The following CSMD1 variants were observed in gnomAD, a reference collection of about 807,000 sequenced individuals.
The protein encoded by CSMD1 is CUB and Sushi multiple domains 1, also known as CUB and sushi domain-containing protein 1.
CSMD1 carries 213 observed loss-of-function variants against 417.5 expected under a neutral mutation model. The observed-to-expected ratio is 0.51, with a 90% CI of 0.46 to 0.57. CSMD1 has a LOEUF of 0.57. Ranked by LOEUF, CSMD1 falls within the 20% of genes least tolerant of loss-of-function variation. CSMD1 has a pLI of 0.00. For synonymous variants in CSMD1, 2,862 were observed against 1,736.8 expected (o/e 1.65, Z -16.11); for missense variants, 6,923 against 4,529.7 (o/e 1.53, Z -15.17).
intron 3 of CSMD1, among the ~76,000 whole-genome samples, chr8:4,337,830 T>C (rs1328009274): frequency 6.6e-6 from 1 of 152,172 alleles, no homozygotes; most frequent in Non-Finnish European, 1.5e-5. Context: ...CAGGTAATTA[T>C]AAAACTTCTT....
chr8:4,727,263 G>C (rs560824351), intron 1 of CSMD1, among the ~76,000 whole-genome samples: 96 of 152,260 alleles, frequency 6.3e-4, no homozygotes, highest in African/African-American at 2.2e-3. Context: ...CATTAAACCA[G>C]TTAATGTCTA....
At chr8:3,282,057 C>A (rs10105711) in intron 26 of CSMD1, among the ~76,000 whole-genome samples, 109,703 of 152,030 alleles carry the variant, frequency 0.72, 40,457 homozygotes, top group Admixed American at 0.82. Context: ...CCCAGCCATG[C>A]CTTCTGTACA....
At chr8:3,906,351 C>T (rs1350446507) in intron 5 of CSMD1, among the ~76,000 whole-genome samples, 1 of 151,998 alleles carries the variant, frequency 6.6e-6, no homozygotes, top group Non-Finnish European at 1.5e-5. Context: ...CCCAAGTATA[C>T]CTGAGTCACC....
intron 52 of CSMD1, among the ~76,000 whole-genome samples, chr8:3,014,740 C>G (rs79004311): frequency 0.049 from 7,402 of 152,202 alleles, 185 homozygotes; most frequent in East Asian, 0.07. Context: ...TAGGAAGACC[C>G]TGTACCTACA....
intron 3 of CSMD1, among the ~76,000 whole-genome samples, chr8:4,037,952 A>C (rs971577355): frequency 4.6e-5 from 7 of 152,336 alleles, no homozygotes; most frequent in African/African-American, 1.4e-4. Context: ...CAGTTGGACA[A>C]AATGTTATTT....
At chr8:3,536,896 T>G (rs551341356) in intron 10 of CSMD1, among the ~76,000 whole-genome samples, 1 of 152,304 alleles carries the variant, frequency 6.6e-6, no homozygotes, top group East Asian at 1.9e-4. Flanking sequence ...TAAATCTAGT[T>G]TAGAAGGATT....
chr8:3,590,672 A>G (rs1800806930), intron 8 of CSMD1, among the ~76,000 whole-genome samples: 1 of 152,208 alleles, frequency 6.6e-6, no homozygotes, highest in South Asian at 2.1e-4. Flanking sequence ...TCAAAGCATT[A>G]AAAATATTAA....
chr8:3,344,265 A>G (rs1415715709), intron 22 of CSMD1, among the ~76,000 whole-genome samples: 1 of 152,174 alleles, frequency 6.6e-6, no homozygotes, highest in Admixed American at 6.5e-5. Flanking sequence ...TTTAGGACCC[A>G]TGCACTTTCT....
At chr8:4,631,002 AG>A (rs1346499988) in intron 2 of CSMD1, among the ~76,000 whole-genome samples, 2 of 152,182 alleles carry the variant, frequency 1.3e-5, no homozygotes, top group Non-Finnish European at 2.9e-5. Context: ...TCCCTATAAA[AG>A]CTTTGACAGT....
chr8:4,243,219 T>C (rs1026668777), intron 3 of CSMD1, among the ~76,000 whole-genome samples: 1 of 151,832 alleles, frequency 6.6e-6, no homozygotes, highest in Non-Finnish European at 1.5e-5. Context: ...GATTGGCTAT[T>C]AGGAGAGTCA....
intron 5 of CSMD1, among the ~76,000 whole-genome samples, chr8:3,934,528 G>A (rs2059583): frequency 2.6e-5 from 4 of 152,124 alleles, no homozygotes; most frequent in Non-Finnish European, 5.9e-5. Flanking sequence ...ACCTAAACAA[G>A]TGCTGCCTTT....
At chr8:3,271,796 A>G (rs1310601119) in intron 26 of CSMD1, among the ~76,000 whole-genome samples, 1 of 151,828 alleles carries the variant, frequency 6.6e-6, no homozygotes, top group African/African-American at 2.4e-5. Flanking sequence ...TTTCTTGTAA[A>G]TTTGTTTGAG....
chr8:4,485,499 G>T (rs1255587001), intron 2 of CSMD1, among the ~76,000 whole-genome samples: 4 of 152,114 alleles, frequency 2.6e-5, no homozygotes, highest in African/African-American at 9.7e-5. Context: ...TGCTTCTTCA[G>T]TTCCTGATCT....
chr8:3,563,760 G>A (rs1164064584), intron 10 of CSMD1, among the ~76,000 whole-genome samples: 1 of 151,936 alleles, frequency 6.6e-6, no homozygotes, highest in Non-Finnish European at 1.5e-5. Flanking sequence ...GTGGTGGTAG[G>A]CATCTGTAAT....
intron 5 of CSMD1, among the ~76,000 whole-genome samples, chr8:3,784,559 G>C (rs1019312569): frequency 6.6e-6 from 1 of 152,132 alleles, no homozygotes; most frequent in Admixed American, 6.6e-5. Flanking sequence ...GTCATAAAAT[G>C]AATATTTAAA....
At chr8:4,442,562 A>G (rs907361297) in intron 2 of CSMD1, among the ~76,000 whole-genome samples, 2 of 152,096 alleles carry the variant, frequency 1.3e-5, no homozygotes, top group African/African-American at 4.8e-5. Context: ...AACTAAAGAG[A>G]TTTTATCTTG....
At chr8:4,060,367 C>T (rs1798909627) in intron 3 of CSMD1, among the ~76,000 whole-genome samples, 1 of 152,294 alleles carries the variant, frequency 6.6e-6, no homozygotes. Flanking sequence ...GGAAGCATTC[C>T]CTTTGCAAAC....
intron 1 of CSMD1, among the ~76,000 whole-genome samples, chr8:4,714,802 G>C (rs1050953915): frequency 5.9e-5 from 9 of 152,248 alleles, no homozygotes; most frequent in Middle Eastern, 3.4e-3. Context: ...GATTAAAATA[G>C]ACTCAACATT....
At chr8:3,048,544 A>T (rs1297848097) in intron 50 of CSMD1, among the ~76,000 whole-genome samples, 1 of 152,204 alleles carries the variant, frequency 6.6e-6, no homozygotes. Flanking sequence ...TCTAAAAAAT[A>T]ATCCAGACAC....
Sources: gnomAD v4.1 joint callset for allele counts (sites outside exome capture counted in the v4.1 genomes callset) on GRCh38, gnomAD v4.1.1 for gene constraint, MANE v1.5 for transcripts, NCBI Gene and HGNC (gene_info 2026-07-23, HGNC 2026-07-21) for gene names.